SVEP1: variants seen among roughly 807,000 people sequenced by gnomAD.
SVEP1 encodes sushi, von Willebrand factor type A, EGF and pentraxin domain containing 1.
A neutral mutation model predicts 367.3 loss-of-function variants in SVEP1; 164 were observed. The ratio of observed to expected loss-of-function variants is 0.45; its 90% CI spans 0.39 to 0.51. SVEP1 has a LOEUF of 0.51. Ranked by LOEUF, SVEP1 falls within the 20% of genes least tolerant of loss-of-function variation. The probability of loss-of-function intolerance (pLI) is 0.00; values close to 1 mark genes in which losing one functional copy is unlikely to be tolerated. For synonymous variants in SVEP1, 1,666 were observed against 1,611.6 expected, an observed-to-expected ratio of 1.03 and a Z score of -0.81; for missense variants, 4,117 against 4,425.3, an observed-to-expected ratio of 0.93 and a Z score of 1.98.
chr9:110,493,760 C>T (rs550456254), intron 8 of SVEP1, among the ~76,000 whole-genome samples: 5 of 152,066 alleles, frequency 3.3e-5, no homozygotes, highest in South Asian at 2.1e-4. Context: ...AAGCAAAAAA[C>T]AAACAAAAAC....
chr9:110,535,514 T>C (rs144417498), intron 3 of SVEP1, among the ~76,000 whole-genome samples: 30 of 151,598 alleles, frequency 2.0e-4, no homozygotes, highest in African/African-American at 7.0e-4. Flanking sequence ...TTTTTTGGTT[T>C]GAACTTAAAA....
At chr9:110,500,149 A>C (rs1829510571) in intron 6 of SVEP1, among the ~76,000 whole-genome samples, 1 of 151,324 alleles carries the variant, frequency 6.6e-6, no homozygotes, top group Non-Finnish European at 1.5e-5. Flanking sequence ...CCATGAAATA[A>C]TTTCTTTCCA....
At chr9:110,575,073 C>T (rs1313578371) in intron 1 of SVEP1, among the ~76,000 whole-genome samples, 1 of 152,088 alleles carries the variant, frequency 6.6e-6, no homozygotes, top group Non-Finnish European at 1.5e-5. Flanking sequence ...TTTGTACCTT[C>T]TCATAGCCCA....
intron 1 of SVEP1, among the ~76,000 whole-genome samples, chr9:110,564,403 C>A (rs182286709): frequency 1.3e-5 from 2 of 152,166 alleles, no homozygotes; most frequent in Non-Finnish European, 2.9e-5. Context: ...CATGGAAAAT[C>A]TAACCATTAC....
chr9:110,521,268 G>C (rs1829871729), intron 3 of SVEP1, among the ~76,000 whole-genome samples: 1 of 152,172 alleles, frequency 6.6e-6, no homozygotes, highest in Non-Finnish European at 1.5e-5. Context: ...CTATACATCT[G>C]TACCTCTGTA....
chr9:110,396,054 T>G (rs1827752935), intron 40 of SVEP1, among the ~76,000 whole-genome samples: 2 of 152,138 alleles, frequency 1.3e-5, no homozygotes, highest in Non-Finnish European at 2.9e-5. Context: ...ATATACATTC[T>G]TTTCAGCACC....
intron 1 of SVEP1, among the ~76,000 whole-genome samples, chr9:110,571,519 A>G (rs1564179630): frequency 6.6e-6 from 1 of 152,220 alleles, no homozygotes; most frequent in Non-Finnish European, 1.5e-5. Flanking sequence ...AGCAGAGCTG[A>G]AAAGAGGGAA....
chr9:110,564,116 C>T (rs1224823709), intron 1 of SVEP1, among the ~76,000 whole-genome samples: 4 of 152,008 alleles, frequency 2.6e-5, no homozygotes, highest in Non-Finnish European at 5.9e-5. Context: ...ATACGAGCTA[C>T]GAAGAGAAGA....
At position 110,544,588 on chromosome 9, in the gene SVEP1, C is replaced by T. The variant is rs981569670; in HGVS notation, c.964+1527G>A. 1.1e-4 allele frequency among the ~76,000 whole-genome samples: 16 copies of T among 151,470 alleles called. 1 individual carries two copies. The highest frequency in any genetic ancestry group is 7.3e-4 in the Admixed American group (11 of 15,164). On this transcript the variant is annotated intron_variant, in intron 3 of 47. Coordinates refer to ENST00000374469, the MANE Select transcript of SVEP1 (RefSeq NM_153366.4). ...ATCTTCTTATAAGAAAACCTAGAGA[C>T]GGAAAAATTACAAATGTCAATGAAA... is the stretch of plus-strand genomic sequence containing the variant.
rs1830665298 is a variant in SVEP1 at position 110,579,366 on chromosome 9, T to C, written c.178A>G (p.Arg60Gly). The stretch of plus-strand genomic sequence containing the variant: ...AACGCCTGGCCCAGCCGCTCCACTC[T>C]GCTCCCCGCCGCTTCGTCGCCAGGA... ...PAPGDEAAGS[R>G]VERLGQAFRR... Residue 60 changes from arginine (R) to glycine (G), a missense_variant, in exon 1 of 48, where the codon AGA becomes GGA. Coordinates refer to ENST00000374469, the MANE Select transcript of SVEP1 (RefSeq NM_153366.4). This position sits in a 1 kb window ranked among gnomAD's most constrained non-coding sequence, Gnocchi z 5.3. 1 of 1,556,004 alleles carries C rather than the reference T, an allele frequency of 6.4e-7. No homozygotes were observed. Among genetic ancestry groups the C allele is most frequent in the East Asian group, 2.4e-5 (1 of 41,330 alleles).
chr9:110,369,696 C>T, intron 47 of SVEP1: 3 of 507,072 alleles, frequency 5.9e-6, no homozygotes, highest in East Asian at 3.4e-5. Context: ...CTGAAGTGAG[C>T]ACAAGACTGC....
chr9:110,430,099 TTTG>T, intron 33 of SVEP1, 95 bp from the exon 34 acceptor site: 1 of 1,364,118 alleles, frequency 7.3e-7, no homozygotes, highest in Non-Finnish European at 9.8e-7. Flanking sequence ...TTTTTGTTTG[TTTG>T]TTTTCTTTTT....
chr9:110,399,317 G>A (rs983720415), intron 40 of SVEP1, among the ~76,000 whole-genome samples: 3 of 150,762 alleles, frequency 2.0e-5, no homozygotes, highest in African/African-American at 7.4e-5. Context: ...GACACAGGAA[G>A]GGGAACATCA....
At chr9:110,443,816 TG>T in intron 26 of SVEP1, 96 bp from the exon 27 acceptor site, 1 of 1,130,884 alleles carries the variant, frequency 8.8e-7, no homozygotes, top group Non-Finnish European at 1.2e-6. Flanking sequence ...TTTCTTTTTT[TG>T]TGGGTAAAGT....
At chr9:110,409,450 GA>G (rs1156424562) in intron 37 of SVEP1, among the ~76,000 whole-genome samples, 2 of 152,216 alleles carry the variant, frequency 1.3e-5, no homozygotes, top group East Asian at 3.9e-4. Context: ...AAGAAAAAAA[GA>G]AAATCAAATT....
At position 110,503,228 on chromosome 9, in the gene SVEP1, TG is replaced by T; in HGVS notation, c.1304-12del. ...GAGGACATGTTCTTACTATGTAAAA[TG>T]AAAGCAATTAGATCACATTTTGCTA... On this transcript the variant is annotated splice_polypyrimidine_tract_variant and intron_variant, in intron 5 of 47. Transcript: ENST00000374469. The T allele has an allele frequency of 6.2e-7, 1 of 1,602,276 alleles. No individual in the cohort carries two copies. Among genetic ancestry groups the T allele is most frequent in the Non-Finnish European group, 8.5e-7 (1 of 1,175,820 alleles).
chr9:110,529,764 T>C (rs1204727717), intron 3 of SVEP1, among the ~76,000 whole-genome samples: 1 of 152,174 alleles, frequency 6.6e-6, no homozygotes, highest in East Asian at 1.9e-4. Context: ...TAGGATTCTT[T>C]TGGAGGAGTC....
chr9:110,389,444 C>A (rs769346289), intron 41 of SVEP1, 80 bp downstream of exon 41: 32 of 1,531,392 alleles, frequency 2.1e-5, no homozygotes, highest in Non-Finnish European at 2.0e-5. Flanking sequence ...ACAAAACTAA[C>A]CTATAAAGAA....
chr9:110,510,556 A>G (rs769860456), intron 5 of SVEP1, among the ~76,000 whole-genome samples: 4 of 152,230 alleles, frequency 2.6e-5, no homozygotes, highest in Non-Finnish European at 4.4e-5. Context: ...AGGCAGAGCC[A>G]GGCTGTGGGA....
Sources: allele counts gnomAD v4.1 joint callset (sites outside exome capture counted in the v4.1 genomes callset), GRCh38; gene constraint gnomAD v4.1.1; non-coding constraint Gnocchi (gnomAD v3.1); transcripts MANE v1.5; gene names NCBI Gene and HGNC (gene_info 2026-07-23, HGNC 2026-07-21).